The following CPE variants were observed in gnomAD, a reference collection of about 807,000 sequenced individuals.
CPE encodes carboxypeptidase E.
CPE carries 17 observed loss-of-function variants against 53.5 expected under a neutral mutation model. The observed-to-expected ratio is 0.32, with a 90% CI of 0.22 to 0.48. The LOEUF is 0.48. Among genes scored for constraint, CPE ranks in the 20% least tolerant of loss-of-function variants. The pLI is 0.99. For missense variants in CPE, 524 were observed against 614.7 expected (o/e 0.85, Z 1.56); for synonymous variants, 226 against 228.8 (o/e 0.99, Z 0.11).
chr4:165,438,068 T>C (rs751022158), intron 1 of CPE, among the ~76,000 whole-genome samples: 1 of 152,138 alleles, frequency 6.6e-6, no homozygotes, highest in Non-Finnish European at 1.5e-5. Flanking sequence ...ATTAAGGAGA[T>C]CTTGAAGGCG....
intron 1 of CPE, among the ~76,000 whole-genome samples, chr4:165,436,191 T>TACACACACACACAC (rs35269093): frequency 4.7e-5 from 7 of 149,296 alleles, no homozygotes; most frequent in South Asian, 4.2e-4. Context: ...CCAGCACACA[T>TACACACACACACAC]ACACACACAC....
At chr4:165,497,189 GGATTACA>G (rs1732716658) in intron 8 of CPE, among the ~76,000 whole-genome samples, 1 of 152,138 alleles carries the variant, frequency 6.6e-6, no homozygotes, top group African/African-American at 2.4e-5. Flanking sequence ...CAAAGTGCTG[GGATTACA>G]GACGTGAGCC....
At chr4:165,476,619 C>G (rs915209222) in intron 3 of CPE, among the ~76,000 whole-genome samples, 1 of 152,066 alleles carries the variant, frequency 6.6e-6, no homozygotes, top group African/African-American at 2.4e-5. Flanking sequence ...CCTGCTGCAA[C>G]CAATTATTAT....
At chr4:165,446,151 A>C (rs993723100) in intron 1 of CPE, among the ~76,000 whole-genome samples, 1 of 152,162 alleles carries the variant, frequency 6.6e-6, no homozygotes, top group African/African-American at 2.4e-5. Flanking sequence ...TAGAAGAAAA[A>C]TTTTGATTAT....
intron 1 of CPE, chr4:165,381,610 C>A: frequency 4.8e-6 from 1 of 207,122 alleles, no homozygotes; most frequent in Non-Finnish European, 1.0e-5. Context: ...GTCTGTGTCC[C>A]TTATATTTTT....
At chr4:165,494,534 C>G (rs1208911757) in intron 7 of CPE, among the ~76,000 whole-genome samples, 2 of 152,104 alleles carry the variant, frequency 1.3e-5, no homozygotes, top group Non-Finnish European at 2.9e-5. Flanking sequence ...AGTGAAAAAG[C>G]GTTAATTAAG....
At chr4:165,430,476 G>A (rs1173136709) in intron 1 of CPE, among the ~76,000 whole-genome samples, 1 of 152,072 alleles carries the variant, frequency 6.6e-6, no homozygotes, top group African/African-American at 2.4e-5. Flanking sequence ...GGTAATAGAT[G>A]AAAAGTTTTA....
At chr4:165,447,206 C>T (rs1055616228) in intron 1 of CPE, among the ~76,000 whole-genome samples, 11 of 152,158 alleles carry the variant, frequency 7.2e-5, no homozygotes, top group African/African-American at 2.7e-4. Flanking sequence ...ATGTGACGGC[C>T]TAGGACATGA....
At chr4:165,490,592 T>TAC (rs1732584017) in intron 6 of CPE, among the ~76,000 whole-genome samples, 1 of 120,190 alleles carries the variant, frequency 8.3e-6, no homozygotes, top group Non-Finnish European at 1.6e-5. Flanking sequence ...GAGATCACAC[T>TAC]ACACTCCAGC....
At chr4:165,435,010 C>T (rs1232922872) in intron 1 of CPE, among the ~76,000 whole-genome samples, 1 of 152,158 alleles carries the variant, frequency 6.6e-6, no homozygotes, top group Non-Finnish European at 1.5e-5. Flanking sequence ...GATCTCTGCA[C>T]ATGCTGGCTC....
chr4:165,405,492 G>A (rs1355814955), intron 1 of CPE: 20 of 880,168 alleles, frequency 2.3e-5, no homozygotes, highest in East Asian at 4.8e-5. Flanking sequence ...CCTTTAGTCC[G>A]CTTTCACACT....
Position 165,394,467 on chromosome 4 carries a change from G to T in CPE, c.307+14939G>T, listed in dbSNP as rs548813138. On this transcript the variant is annotated intron_variant, in intron 1 of 8. Transcript: ENST00000402744. ...GGAGTGGGCCTCTGGGAAGGGTGTT[G>T]TGGTGTGCAAGGGCAACCCTCAGTT... Among the ~76,000 whole-genome samples, 5 of 152,252 alleles carry T rather than the reference G, an allele frequency of 3.3e-5. No individual in the cohort carries two copies. In the South Asian group the frequency reaches 8.3e-4, roughly 25 times the overall value.
chr4:165,483,133 C>T (rs1732444593), intron 4 of CPE, among the ~76,000 whole-genome samples: 1 of 151,754 alleles, frequency 6.6e-6, no homozygotes, highest in South Asian at 2.1e-4. Flanking sequence ...AATTTTTCAC[C>T]CCTCACCTCC....
rs1454428483 is a variant in CPE at position 165,379,118 on chromosome 4, G to C, written c.-104G>C. 9.5e-7 allele frequency: 1 copy of C among 1,049,072 alleles called. No individual in the cohort carries two copies. Among genetic ancestry groups the C allele is most frequent in the Non-Finnish European group, 1.2e-6 (1 of 833,016 alleles). The allele number at this position is 1,049,072 out of a possible 1,614,324, so 65.0% of individuals were successfully genotyped here. A position where few individuals can be genotyped will look rare whatever the true frequency, so the allele number is the denominator to read the frequency against. ...GGTGAGGCGAGTAGAGGCTGGTGCG[G>C]AACTTGCCGCCCCCAGCAGCGCCGG... On this transcript the variant is annotated 5_prime_UTR_variant, in exon 1 of 9. Coordinates refer to ENST00000402744, the MANE Select transcript of CPE (RefSeq NM_001873.4). The surrounding 1 kb of genome is among the most constrained non-coding windows in gnomAD (Gnocchi z 6.0).
intron 1 of CPE, among the ~76,000 whole-genome samples, chr4:165,401,319 C>G (rs572682971): frequency 1.3e-5 from 2 of 152,298 alleles, no homozygotes; most frequent in African/African-American, 4.8e-5. Flanking sequence ...AAAATATAAC[C>G]CTTGTTTCTC....
chr4:165,488,018 G>C (rs2126714705), intron 6 of CPE, among the ~76,000 whole-genome samples: 1 of 152,162 alleles, frequency 6.6e-6, no homozygotes. Flanking sequence ...GTTTTGAGCT[G>C]TACAAGCCTC....
chr4:165,391,067 G>C (rs926511940), intron 1 of CPE, among the ~76,000 whole-genome samples: 1 of 152,070 alleles, frequency 6.6e-6, no homozygotes, highest in Non-Finnish European at 1.5e-5. Context: ...TGCACAAACT[G>C]TATCTTAAAA....
intron 7 of CPE, 98 bp downstream of exon 7, chr4:165,493,368 A>G: frequency 1.2e-6 from 1 of 832,402 alleles, no homozygotes; most frequent in Admixed American, 2.4e-5. Context: ...AGCAAAACAA[A>G]TAGCTCGTAT....
chr4:165,441,175 C>T (rs1329712246), intron 1 of CPE, among the ~76,000 whole-genome samples: 3 of 152,086 alleles, frequency 2.0e-5, no homozygotes, highest in African/African-American at 4.8e-5. Context: ...CAGAATTAAT[C>T]GTCGAGACCC....
Sources: allele counts gnomAD v4.1 joint callset (sites outside exome capture counted in the v4.1 genomes callset), GRCh38; gene constraint gnomAD v4.1.1; non-coding constraint Gnocchi (gnomAD v3.1); transcripts MANE v1.5; gene names NCBI Gene and HGNC (gene_info 2026-07-23, HGNC 2026-07-21).